CEP95: variants seen among roughly 807,000 people sequenced by gnomAD.
CEP95 encodes the protein centrosomal protein of 95 kDa.
A neutral mutation model predicts 111.2 loss-of-function variants in CEP95; 98 were observed. The ratio of observed to expected loss-of-function variants is 0.88; its 90% CI spans 0.75 to 1.04. The LOEUF (loss-of-function observed/expected upper bound fraction) is 1.04, where lower values mean the gene tolerates loss of function less well. Among genes scored for constraint, CEP95 ranks in the 50% least tolerant of loss-of-function variants. CEP95 has a pLI of 0.00. For synonymous variants in CEP95, 323 were observed against 327.1 expected (o/e 0.99, Z 0.14); for missense variants, 1,027 against 977.2 (o/e 1.05, Z -0.68).
In CEP95 at chr17:64,514,342, A is replaced by G. The variant is rs577972325; in HGVS notation, c.351A>G (p.Glu117=). The G allele has an allele frequency of 2.2e-5, 33 of 1,491,224 alleles. No individual in the cohort carries two copies. In the African/African-American group the frequency reaches 4.6e-4, roughly 21 times the overall value. 92.4% of individuals were successfully genotyped at this position (1,491,224 alleles called of 1,614,324 possible). A position where few individuals can be genotyped will look rare whatever the true frequency, so the allele number is the denominator to read the frequency against. Residue 117 remains glutamate, a synonymous_variant, in exon 4 of 20, where the codon GAA becomes GAG. Transcript: ENST00000556440. ...LLEYLTERIS[E]TSHEKSETEQ... ...AGTATCTTACAGAACGCATCAGTGA[A>G]ACATCTCATGAGAAAAGTAAGTTTA... is the stretch of plus-strand genomic sequence containing the variant.
chr17:64,511,295 C>G (rs1466350127), intron 3 of CEP95, among the ~76,000 whole-genome samples: 5 of 152,134 alleles, frequency 3.3e-5, no homozygotes, highest in Non-Finnish European at 5.9e-5. Context: ...CCTAATAAGC[C>G]TGGGAGCGAT....
At chr17:64,536,864 A>G (rs572630635) in intron 18 of CEP95, 116 bp downstream of exon 18, 13 of 1,299,938 alleles carry the variant, frequency 1.0e-5, no homozygotes, top group South Asian at 2.9e-5. Flanking sequence ...TTTGCACTCT[A>G]CAGATTAGAG....
At position 64,533,199 on chromosome 17, in the gene CEP95, A is replaced by G; in HGVS notation, c.1917+8A>G. ...GAACATAACAAGAGACTGGTATGTC[A>G]AGAGCAAGTTGGGTATTATAATTCT... On this transcript the variant is annotated splice_region_variant and intron_variant, in intron 16 of 19. Transcript: ENST00000556440. 1 of 1,574,740 alleles carries G rather than the reference A, an allele frequency of 6.4e-7. No individual in the cohort carries two copies. The highest frequency in any genetic ancestry group is 8.6e-7 in the Non-Finnish European group (1 of 1,165,830).
At chr17:64,517,077 C>CA (rs1407683776) in intron 5 of CEP95, among the ~76,000 whole-genome samples, 2 of 151,992 alleles carry the variant, frequency 1.3e-5, no homozygotes, top group Non-Finnish European at 2.9e-5. Flanking sequence ...GACGGAGTCT[C>CA]ATTCTGTTGC....
At chr17:64,532,667 G>C (rs1968360175) in intron 14 of CEP95, 172 bp from the exon 15 acceptor site, 1 of 1,421,070 alleles carries the variant, frequency 7.0e-7, no homozygotes, top group South Asian at 1.6e-5. Context: ...ATCCTTACCA[G>C]TAGTTGGCTT....
intron 12 of CEP95, among the ~76,000 whole-genome samples, chr17:64,530,468 G>T (rs1968185127): frequency 6.6e-6 from 1 of 151,628 alleles, no homozygotes; most frequent in Non-Finnish European, 1.5e-5. Context: ...TATTTTAGGG[G>T]TGGCAGGTAT....
At chr17:64,532,096 G>T (rs919393993) in intron 14 of CEP95, 74 bp downstream of exon 14, 26 of 1,418,346 alleles carry the variant, frequency 1.8e-5, no homozygotes, top group Non-Finnish European at 2.3e-5. Context: ...CAAGGACACA[G>T]CACTGAAAGC....
chr17:64,527,021 AAAGG>A, intron 10 of CEP95, 86 bp from the exon 11 acceptor site: 1 of 992,974 alleles, frequency 1.0e-6, no homozygotes, highest in South Asian at 1.6e-5. Context: ...AGTGACTGTC[AAAGG>A]AAGCTTTTTT....
chr17:64,507,836 C>T (rs2038648476), intron 1 of CEP95: 2 of 985,290 alleles, frequency 2.0e-6, no homozygotes, highest in South Asian at 4.7e-5. Flanking sequence ...AAGTGCTTTC[C>T]TACCAATTCC....
intron 13 of CEP95, 43 bp from the exon 14 acceptor site, chr17:64,531,847 G>C: frequency 1.4e-6 from 2 of 1,403,838 alleles, no homozygotes; most frequent in Non-Finnish European, 1.9e-6. Flanking sequence ...TGAAAGAACT[G>C]TTAGACCTTT....
intron 3 of CEP95, among the ~76,000 whole-genome samples, chr17:64,511,266 T>C (rs894828989): frequency 3.9e-5 from 6 of 152,180 alleles, no homozygotes; most frequent in African/African-American, 1.4e-4. Context: ...CAAAATTTAT[T>C]AGGCGGGAAT....
rs2038569320 is a variant in CEP95, at chr17:64,506,978, T to G, written c.-120T>G. 1 of 1,141,348 alleles carries G rather than the reference T, an allele frequency of 8.8e-7. No homozygotes were observed. The allele number at this position is 1,141,348 out of a possible 1,614,324, so 70.7% of individuals were successfully genotyped here. ...ACGTCCGTCCTTCTTTCACGCCTCC[T>G]TCCCCGCGCTTTGGTTCGTGCGTCC... On this transcript the variant is annotated 5_prime_UTR_variant, in exon 1 of 20. Coordinates refer to ENST00000556440, the MANE Select transcript of CEP95 (RefSeq NM_138363.3).
chr17:64,532,802 A>T, intron 14 of CEP95, 37 bp from the exon 15 acceptor site: 1 of 1,586,342 alleles, frequency 6.3e-7, no homozygotes, highest in Non-Finnish European at 8.6e-7. Context: ...GTTCTTGTCC[A>T]CGTCTCAGAT....
Position 64,521,471 on chromosome 17 carries a change from A to G in CEP95, c.659A>G (p.Asp220Gly), listed in dbSNP as rs150732992. 3.0e-5 allele frequency: 49 copies of G among 1,612,834 alleles called. No homozygotes were observed. In the African/African-American group the frequency reaches 5.7e-4, roughly 19 times the overall value. Residue 220 changes from aspartate (D) to glycine (G), a missense_variant, in exon 7 of 20, where the codon GAT (aspartate) becomes GGT (glycine). Transcript: ENST00000556440. Reference protein sequence around the residue: ...LASPSSKSHEDMLYPPSVLSK... With the variant: ...LASPSSKSHEGMLYPPSVLSK... ...TCACCAAGTTCTAAATCACATGAAG[A>G]TATGTTGTACCCTCCTAGTGTTTTG...
At chr17:64,531,760 T>A in intron 13 of CEP95, 130 bp from the exon 14 acceptor site, 2 of 586,762 alleles carry the variant, frequency 3.4e-6, no homozygotes, top group East Asian at 6.4e-5. Context: ...GTAAGGTGGT[T>A]TGGCTTACTG....
rs369515401 is a variant in CEP95, at chr17:64,508,603, A to G, written c.31A>G (p.Ile11Val). The G allele has an allele frequency of 2.3e-5, 32 of 1,411,186 alleles. No individual in the cohort carries two copies. The highest frequency in any genetic ancestry group is 2.9e-5 in the African/African-American group (2 of 67,900). The allele number at this position is 1,411,186 out of a possible 1,614,324, so 87.4% of individuals were successfully genotyped here. A position where few individuals can be genotyped will look rare whatever the true frequency, so the allele number is the denominator to read the frequency against. ...CTTTTTCCCAACAGAGTGGGTAACC[A>G]TTGCCAATAACCTTCTTTTTAAGTG... Reference protein sequence around the residue: MAGSDAEWVTIANNLLFKCHI... With the variant: MAGSDAEWVTVANNLLFKCHI... Residue 11 changes from isoleucine to valine, a missense_variant, in exon 2 of 20, where the codon ATT becomes GTT. By Grantham distance (29) the Ile-to-Val change is conservative. Transcript: ENST00000556440.
chr17:64,506,884 G>GC, upstream of CEP95: 3 of 646,884 alleles, frequency 4.6e-6, no homozygotes, highest in South Asian at 3.5e-5. Flanking sequence ...TTCCCAAACC[G>GC]CCCCCGTTTC....
Position 64,507,059 on chromosome 17 carries a change from C to G in CEP95, c.-39C>G. On this transcript the variant is annotated 5_prime_UTR_variant, in exon 1 of 20. Transcript: ENST00000556440. ...TCCTTCCAGGACACCGTCGCCTTCC[C>G]GGCCGCGTCGGAGTCCGGCGGCGAC... 6.4e-7 allele frequency: 1 copy of G among 1,550,682 alleles called. No individual in the cohort carries two copies. The highest frequency in any genetic ancestry group is 1.2e-5 in the South Asian group (1 of 84,032).
In CEP95 at chr17:64,516,747, A is replaced by C. The variant is rs782420185; in HGVS notation, c.392A>C (p.Glu131Ala). The change falls in exon 5 of 20, where the codon GAA becomes GCA. Residue 131 changes from glutamate (E) to alanine (A), a missense_variant. Coordinates refer to ENST00000556440, the MANE Select transcript of CEP95 (RefSeq NM_138363.3). Reference sequence around the variant, plus strand: ...GGTGAAACTGAACAGTATTTTAAAGAATCTGATCGAGGAGAACGTTTGGAA... The same window carrying C: ...GGTGAAACTGAACAGTATTTTAAAGCATCTGATCGAGGAGAACGTTTGGAA... ...EKSETEQYFK[E>A]SDRGERLEEP... 6.2e-7 allele frequency: 1 copy of C among 1,610,488 alleles called. No individual in the cohort carries two copies. The highest frequency in any genetic ancestry group is 8.5e-7 in the Non-Finnish European group (1 of 1,176,818).
Sources: allele counts gnomAD v4.1 joint callset (sites outside exome capture counted in the v4.1 genomes callset), GRCh38; gene constraint gnomAD v4.1.1; transcripts MANE v1.5; gene names NCBI Gene and HGNC (gene_info 2026-07-23, HGNC 2026-07-21).